Variants in PCDHA11 observed in about 807,000 individuals in gnomAD.
PCDHA11 encodes the protein protocadherin alpha 11, also known as protocadherin alpha-11.
PCDHA11 carries 61 observed loss-of-function variants against 70.3 expected under a neutral mutation model. That is an observed-to-expected ratio of 0.87 (90% CI 0.71 to 1.07). The LOEUF (loss-of-function observed/expected upper bound fraction) is 1.07, where lower values mean the gene tolerates loss of function less well. Ranked by LOEUF, PCDHA11 falls within the 50% of genes least tolerant of loss-of-function variation. The pLI is 0.00. For missense variants in PCDHA11, 1,324 were observed against 1,237.5 expected (o/e 1.07, Z -1.05); for synonymous variants, 633 against 555.1 (o/e 1.14, Z -1.97).
intron 1 of PCDHA11, among the ~76,000 whole-genome samples, chr5:140,925,122 GA>G (rs1298426256): frequency 2.7e-5 from 4 of 150,724 alleles, no homozygotes; most frequent in Non-Finnish European, 4.4e-5. Flanking sequence ...AGGAAGGAAG[GA>G]AAAAAAATTT....
chr5:140,927,099 T>G lies in PCDHA11; in HGVS notation c.2392-51850T>G, dbSNP rs782352775. 10 of 1,613,434 alleles carry G rather than the reference T, an allele frequency of 6.2e-6. No homozygotes were observed. In the South Asian group the frequency reaches 7.7e-5, roughly 12 times the overall value. On this transcript the variant is annotated intron_variant, in intron 1 of 3. Coordinates refer to ENST00000398640, the MANE Select transcript of PCDHA11 (RefSeq NM_018902.5). The stretch of plus-strand genomic sequence containing the variant: ...ACCGCGAGCTCTACTTCGGGGTGGA[T>G]CTACCCAGCGGCAATTTGGTGGTCA...
intron 1 of PCDHA11, chr5:140,926,964 C>G (rs149218057): frequency 1.9e-6 from 3 of 1,606,346 alleles, no homozygotes; most frequent in African/African-American, 2.7e-5. Flanking sequence ...AGCTCGAGTA[C>G]TCAGTGCCGG....
At position 141,009,957 on chromosome 5, in the gene PCDHA11, G is replaced by A; in HGVS notation, c.*20G>A. The stretch of plus-strand genomic sequence containing the variant: ...CAGTGAGGTCCTCAAATGGAAACAA[G>A]CCACTTAGCCAGTTTTTGTAATAAT... On this transcript the variant is annotated 3_prime_UTR_variant, in exon 4 of 4. Transcript: ENST00000398640. 1 of 1,589,160 alleles carries A rather than the reference G, an allele frequency of 6.3e-7. No individual in the cohort carries two copies. Among genetic ancestry groups the A allele is most frequent in the Non-Finnish European group, 8.5e-7 (1 of 1,171,102 alleles).
chr5:141,007,395 C>CAAAAAAA (rs35800918), intron 3 of PCDHA11, among the ~76,000 whole-genome samples: 1,149 of 94,062 alleles, frequency 0.012, no homozygotes, highest in African/African-American at 0.016. Flanking sequence ...TACTAAAATA[C>CAAAAAAA]AAAAAAAAAA....
At chr5:140,944,558 G>A (rs140707063) in intron 1 of PCDHA11, among the ~76,000 whole-genome samples, 10 of 152,230 alleles carry the variant, frequency 6.6e-5, no homozygotes, top group African/African-American at 2.2e-4. Flanking sequence ...TAGTTTTCCT[G>A]GCAACTTACT....
intron 3 of PCDHA11, among the ~76,000 whole-genome samples, chr5:141,008,968 T>C (rs1241825350): frequency 6.6e-6 from 1 of 152,256 alleles, no homozygotes; most frequent in Non-Finnish European, 1.5e-5. Flanking sequence ...AATACATTTA[T>C]AGCCAAAGTT....
chr5:140,882,628 G>A (rs1554174947), intron 1 of PCDHA11: 9 of 1,614,252 alleles, frequency 5.6e-6, no homozygotes, highest in Non-Finnish European at 7.6e-6. Flanking sequence ...TCCATGTGGA[G>A]GTGAAGGTGA....
chr5:140,954,091 A>G (rs1055518318), intron 1 of PCDHA11, among the ~76,000 whole-genome samples: 1 of 152,204 alleles, frequency 6.6e-6, no homozygotes, highest in African/African-American at 2.4e-5. Flanking sequence ...AGCTCCATCC[A>G]TGTCCCTGCA....
chr5:140,883,791 T>C, intron 1 of PCDHA11: 3 of 1,612,422 alleles, frequency 1.9e-6, no homozygotes, highest in Middle Eastern at 3.9e-4. Flanking sequence ...TCGAGCTACG[T>C]GTCGGTGCAC....
intron 3 of PCDHA11, among the ~76,000 whole-genome samples, chr5:140,991,446 A>G (rs782325342): frequency 6.6e-6 from 1 of 152,202 alleles, no homozygotes; most frequent in Non-Finnish European, 1.5e-5. Flanking sequence ...ATGGCTTAAA[A>G]CAACACAATG....
intron 1 of PCDHA11, chr5:140,876,661 C>T: frequency 1.2e-6 from 2 of 1,614,212 alleles, no homozygotes; most frequent in Non-Finnish European, 1.7e-6. Context: ...TCCCTTCAAG[C>T]TGGTGTCCAC....
At position 141,012,270 on chromosome 5, in the gene PCDHA11, G is replaced by A. The variant is rs782033901; in HGVS notation, c.*2333G>A. On this transcript the variant is annotated 3_prime_UTR_variant, in exon 4 of 4. Coordinates refer to ENST00000398640, the MANE Select transcript of PCDHA11 (RefSeq NM_018902.5). ...TATTACAGCTGTAAGGATAAAACAC[G>A]TCATGTGGATTCATTTTGAATTGGT... is the stretch of plus-strand genomic sequence containing the variant. 4 of 153,734 alleles carry A rather than the reference G, an allele frequency of 2.6e-5. No individual in the cohort carries two copies. The highest frequency in any genetic ancestry group is 5.9e-5 in the Non-Finnish European group (4 of 68,028). 9.5% of individuals were successfully genotyped at this position (153,734 alleles called of 1,614,324 possible).
At position 140,987,008 on chromosome 5, in the gene PCDHA11, G is replaced by A. The variant is rs958548514; in HGVS notation, c.2539+4445G>A. 2.6e-5 allele frequency among the ~76,000 whole-genome samples: 4 copies of A among 152,260 alleles called. No individual in the cohort carries two copies. The South Asian group carries it at 6.2e-4, about 24-fold the overall frequency. On this transcript the variant is annotated intron_variant, in intron 3 of 3. Transcript: ENST00000398640. ...GCAGGCAGATCACTTGAGGTCATGA[G>A]TTCGAGACCAGCCTGGTCAACATGG... is the stretch of plus-strand genomic sequence containing the variant.
At chr5:140,884,020 G>A (rs61734917) in intron 1 of PCDHA11, 5 of 1,613,174 alleles carry the variant, frequency 3.1e-6, no homozygotes, top group East Asian at 2.2e-5. Flanking sequence ...TGCCGCGGTC[G>A]GTGGGTGCAG....
At chr5:140,978,597 A>G (rs897045455) in intron 1 of PCDHA11, among the ~76,000 whole-genome samples, 1 of 152,234 alleles carries the variant, frequency 6.6e-6, no homozygotes, top group Non-Finnish European at 1.5e-5. Flanking sequence ...TTAATGGGGC[A>G]CTTGAGGGCA....
intron 1 of PCDHA11, among the ~76,000 whole-genome samples, chr5:140,900,367 T>C (rs1554189080): frequency 6.6e-6 from 1 of 152,152 alleles, no homozygotes; most frequent in Non-Finnish European, 1.5e-5. Context: ...AACCTCTGCC[T>C]CCTGGGTTCA....
At chr5:140,973,263 A>G (rs1458697392) in intron 1 of PCDHA11, among the ~76,000 whole-genome samples, 1 of 152,136 alleles carries the variant, frequency 6.6e-6, no homozygotes, top group Admixed American at 6.5e-5. Flanking sequence ...AGTGGCACCT[A>G]CTTTTATTTC....
At chr5:140,914,807 A>G (rs929659841) in intron 1 of PCDHA11, among the ~76,000 whole-genome samples, 2 of 152,330 alleles carry the variant, frequency 1.3e-5, no homozygotes, top group Middle Eastern at 3.4e-3. Context: ...ACTGATGGCA[A>G]CTTAACAGAC....
chr5:140,876,176 TG>T (rs1554168338), intron 1 of PCDHA11: 2 of 1,613,930 alleles, frequency 1.2e-6, no homozygotes, highest in Non-Finnish European at 1.7e-6. Context: ...GTCCTGGATG[TG>T]AATGACAATG....
Sources: gnomAD v4.1 joint callset for allele counts (sites outside exome capture counted in the v4.1 genomes callset) on GRCh38, gnomAD v4.1.1 for gene constraint, MANE v1.5 for transcripts, NCBI Gene and HGNC (gene_info 2026-07-23, HGNC 2026-07-21) for gene names.